The following MTERF4 variants were observed in gnomAD, a reference collection of about 807,000 sequenced individuals.
MTERF4 encodes the protein mitochondrial transcription termination factor 4.
In MTERF4, 17 loss-of-function variants were observed where a neutral mutation model predicts 22.5. The ratio of observed to expected loss-of-function variants is 0.75; its 90% CI spans 0.52 to 1.13. The LOEUF is 1.13. Among genes scored for constraint, MTERF4 ranks in the 50% most tolerant of loss-of-function variants. The pLI, the probability that MTERF4 is intolerant of heterozygous loss-of-function variation, is 0.00. For missense variants in MTERF4, 420 were observed against 466.8 expected (o/e 0.90, Z 0.92); for synonymous variants, 165 against 175.3 (o/e 0.94, Z 0.47).
intron 3 of MTERF4, 169 bp downstream of exon 3, chr2:241,097,074 C>T (rs185544572): frequency 4.2e-5 from 30 of 706,934 alleles, no homozygotes; most frequent in South Asian, 1.1e-4. Flanking sequence ...ATGAGGTGTC[C>T]GAGGCTTCTT....
At chr2:241,065,444 C>T in the MTERF4 span, 2 of 1,612,974 alleles carry the variant, frequency 1.2e-6, no homozygotes, top group Non-Finnish European at 1.7e-6. Flanking sequence ...GCTCCTACCG[C>T]CGCACAGACT....
the MTERF4 span, among the ~76,000 whole-genome samples, chr2:241,043,402 T>C: frequency 6.6e-6 from 1 of 152,162 alleles, no homozygotes; most frequent in Non-Finnish European, 1.5e-5. Context: ...TGTACTGTAT[T>C]ACCAGCAAAA....
downstream of MTERF4, chr2:241,072,105 G>C (rs1032489233): frequency 1.9e-5 from 13 of 699,422 alleles, no homozygotes; most frequent in Admixed American, 4.0e-5. Context: ...GTCAGTGTGT[G>C]GGCTGGAGGC....
At chr2:241,072,975 C>T (rs2062810479) in exon 5 of MTERF4, 5 of 455,542 alleles carry the variant, frequency 1.1e-5, no homozygotes, top group Non-Finnish European at 1.9e-5. Context: ...CCGCATCAGC[C>T]GTGAGGATGG....
At chr2:241,082,363 G>T (rs376890393), downstream of MTERF4, 3 of 1,612,024 alleles carry the variant, frequency 1.9e-6, no homozygotes, top group Non-Finnish European at 2.5e-6. Context: ...CTGTCACCAC[G>T]TGTAAGTTGG....
At chr2:241,089,310 T>C (rs1426987685), downstream of MTERF4, 3 of 1,550,210 alleles carry the variant, frequency 1.9e-6, no homozygotes, top group South Asian at 2.4e-5. Context: ...CGCAGATGAG[T>C]GAGGCACCCT....
At position 241,102,267 on chromosome 2, in the gene MTERF4, C is replaced by T; in HGVS notation, c.7G>A (p.Ala3Thr). 2 of 1,549,710 alleles carry T rather than the reference C, an allele frequency of 1.3e-6. No homozygotes were observed. The highest frequency in any genetic ancestry group is 1.7e-6 in the Non-Finnish European group (2 of 1,146,206). MA[A>T]FGRQVLDWHR... is the part of the protein sequence containing the mutation. ...CTCGAGCTTACCTGACGGCCGAACGCAGCCATAGCGCGGAGAAGATGGCAG... is the reference window on the plus strand; with the variant it reads ...CTCGAGCTTACCTGACGGCCGAACGTAGCCATAGCGCGGAGAAGATGGCAG... Residue 3 changes from alanine to threonine, a missense_variant, in exon 1 of 4, where the codon GCG (alanine) becomes ACG (threonine). Transcript: ENST00000391980.
At chr2:241,090,529 T>A, downstream of MTERF4, 1 of 1,426,930 alleles carries the variant, frequency 7.0e-7, no homozygotes. Flanking sequence ...GTACTCTACA[T>A]AATTGTATGT....
downstream of MTERF4, chr2:241,092,412 A>T (rs1354161901): frequency 6.6e-6 from 1 of 152,226 alleles, no homozygotes. This position sits in a 1 kb window ranked among gnomAD's most constrained non-coding sequence, Gnocchi z 4.6. Context: ...ATGTTCCAAT[A>T]AAAACTTATT....
the MTERF4 span, among the ~76,000 whole-genome samples, chr2:241,052,748 G>A: frequency 5.3e-5 from 4 of 75,788 alleles, 1 homozygote; most frequent in African/African-American, 2.0e-4. Flanking sequence ...AGGTGAGAGG[G>A]CCGGGGGGCC....
the MTERF4 span, among the ~76,000 whole-genome samples, chr2:241,050,313 T>C: frequency 6.6e-6 from 1 of 152,240 alleles, no homozygotes; most frequent in African/African-American, 2.4e-5. Context: ...CGCTTGAGAA[T>C]AGAAGTGTCC....
intron 4 of MTERF4, among the ~76,000 whole-genome samples, chr2:241,080,464 T>C (rs1447564081): frequency 6.6e-6 from 1 of 152,184 alleles, no homozygotes; most frequent in African/African-American, 2.4e-5. Flanking sequence ...GGCTGTGGGC[T>C]CTAGATCTCG....
At chr2:241,080,667 G>A (rs1323053573) in intron 4 of MTERF4, among the ~76,000 whole-genome samples, 1 of 152,260 alleles carries the variant, frequency 6.6e-6, no homozygotes, top group Non-Finnish European at 1.5e-5. Context: ...TGAGCATCAG[G>A]AAAACAACTG....
At position 241,102,234 on chromosome 2, in the gene MTERF4, G is replaced by A. The variant is rs111519446; in HGVS notation, c.21+19C>T. The A allele has an allele frequency of 5.6e-4, 872 of 1,548,780 alleles. 3 individuals carry two copies. The African/African-American group carries it at 9.3e-3, about 17-fold the overall frequency. ...CCGCCTGCGACCCGGAGAAGCCCGC[G>A]CGCCCAGCTCGAGCTTACCTGACGG... On this transcript the variant is annotated intron_variant, in intron 1 of 3. Transcript: ENST00000391980.
chr2:241,082,413 G>A (rs773335144), downstream of MTERF4: 5 of 1,459,804 alleles, frequency 3.4e-6, no homozygotes, highest in East Asian at 9.2e-5. Context: ...GTGTGTTCTT[G>A]ACTCCTCAAA....
chr2:241,094,059 G>A (rs369320668), downstream of MTERF4: 56 of 326,000 alleles, frequency 1.7e-4, no homozygotes, highest in African/African-American at 8.7e-4. This position sits in a 1 kb window ranked among gnomAD's most constrained non-coding sequence, Gnocchi z 4.3. Context: ...GGCAGTGACC[G>A]GGATGCCACA....
rs2125378574 is a variant in MTERF4 at position 241,095,961 on chromosome 2, A to C, written c.*37T>G. 6.3e-7 allele frequency: 1 copy of C among 1,576,446 alleles called. No homozygotes were observed. Among genetic ancestry groups the C allele is most frequent in the East Asian group, 2.3e-5 (1 of 44,408 alleles). ...TAAGAGAATGAAAAGCTTCCTTGATATCTCTGGGCCCTTTCGCTCTAGTCC... is the reference window on the plus strand; with the variant it reads ...TAAGAGAATGAAAAGCTTCCTTGATCTCTCTGGGCCCTTTCGCTCTAGTCC... On this transcript the variant is annotated 3_prime_UTR_variant, in exon 4 of 4. Coordinates refer to ENST00000391980, the MANE Select transcript of MTERF4 (RefSeq NM_182501.4).
chr2:241,073,676 G>C lies in MTERF4; in HGVS notation n.2486C>G. The C allele has an allele frequency of 2.1e-6, 1 of 476,932 alleles. No homozygotes were observed. Among genetic ancestry groups the C allele is most frequent in the Middle Eastern group, 5.4e-4 (1 of 1,836 alleles). The allele number at this position is 476,932 out of a possible 1,614,324, so 29.5% of individuals were successfully genotyped here. A position where few individuals can be genotyped will look rare whatever the true frequency, so the allele number is the denominator to read the frequency against. ...CTCCTTCGCCTCCACATGCAGCAGA[G>C]CCCACCCCAGCCCCTGCCTCTGGGC... On this transcript the variant is annotated non_coding_transcript_exon_variant, in exon 5 of 5. Transcript: ENST00000464344. This position sits in a 1 kb window ranked among gnomAD's most constrained non-coding sequence, Gnocchi z 6.6.
chr2:241,082,627 T>G (rs768701337), downstream of MTERF4, among the ~76,000 whole-genome samples: 2 of 152,286 alleles, frequency 1.3e-5, no homozygotes, highest in South Asian at 2.1e-4. Flanking sequence ...CCCCAGGCCT[T>G]CCTTCCCACA....
Sources: allele counts gnomAD v4.1 joint callset (sites outside exome capture counted in the v4.1 genomes callset), GRCh38; gene constraint gnomAD v4.1.1; non-coding constraint Gnocchi (gnomAD v3.1); transcripts MANE v1.5; gene names NCBI Gene and HGNC (gene_info 2026-07-23, HGNC 2026-07-21).